Variants in MDGA1 observed in about 807,000 individuals in gnomAD.
The protein encoded by MDGA1 is MAM domain containing glycosylphosphatidylinositol anchor 1.
MDGA1 carries 54 observed loss-of-function variants against 101.5 expected under a neutral mutation model. The ratio of observed to expected loss-of-function variants is 0.53; its 90% CI spans 0.43 to 0.67. The LOEUF (loss-of-function observed/expected upper bound fraction) is 0.67. MDGA1 is among the 30% of genes least tolerant of loss of function. The pLI is 0.00. For missense variants in MDGA1, 1,083 were observed against 1,323.8 expected, an observed-to-expected ratio of 0.82 and a Z score of 2.82; for synonymous variants, 533 against 558.3, an observed-to-expected ratio of 0.95 and a Z score of 0.64.
At chr6:37,667,716 G>T (rs1761784056) in intron 1 of MDGA1, among the ~76,000 whole-genome samples, 1 of 152,250 alleles carries the variant, frequency 6.6e-6, no homozygotes, top group Non-Finnish European at 1.5e-5. Flanking sequence ...TGGAAGATAA[G>T]CTGTAATCTT....
At chr6:37,672,285 T>TAA (rs530299424) in intron 1 of MDGA1, among the ~76,000 whole-genome samples, 8 of 146,596 alleles carry the variant, frequency 5.5e-5, no homozygotes, top group African/African-American at 1.7e-4. Context: ...ACCCCATCTC[T>TAA]AAAAAAAAAA....
chr6:37,650,403 G>A lies in MDGA1; in HGVS notation c.1315C>T (p.Pro439Ser). Residue 439 changes from proline (P) to serine (S), a missense_variant and splice_region_variant, in exon 8 of 17, where the codon CCG (proline) becomes TCG (serine). Coordinates refer to ENST00000434837, the MANE Select transcript of MDGA1 (RefSeq NM_153487.4). ...VEVNISSETV[P>S]PTISVPKGRA... The stretch of plus-strand genomic sequence containing the variant: ...CCCTTGGGCACACTGATGGTGGGCG[G>A]CACTGTGGGGGTGATGGTGATCAGC... 6.5e-7 allele frequency: 1 copy of A among 1,539,772 alleles called. No homozygotes were observed. The highest frequency in any genetic ancestry group is 2.3e-5 in the East Asian group (1 of 43,038).
chr6:37,662,440 G>T (rs1431965736), intron 2 of MDGA1, among the ~76,000 whole-genome samples: 1 of 152,056 alleles, frequency 6.6e-6, no homozygotes, highest in Non-Finnish European at 1.5e-5. Flanking sequence ...TTCAAGACCA[G>T]CCTGGGTAAC....
chr6:37,663,938 G>T (rs375399316), intron 2 of MDGA1, 29 bp downstream of exon 2: 2 of 1,612,826 alleles, frequency 1.2e-6, no homozygotes, highest in Non-Finnish European at 1.7e-6. Context: ...GGTAGGAGGG[G>T]CCTGAGCAAG....
intron 1 of MDGA1, chr6:37,664,422 AG>A: frequency 4.1e-6 from 1 of 246,746 alleles, no homozygotes; most frequent in Non-Finnish European, 7.9e-6. Context: ...TCACCATCTT[AG>A]CAGTCCTGGC....
intron 8 of MDGA1, among the ~76,000 whole-genome samples, chr6:37,649,597 G>A (rs749852305): frequency 2.6e-5 from 4 of 152,088 alleles, no homozygotes; most frequent in Non-Finnish European, 4.4e-5. Context: ...TCTAAAGCTA[G>A]ATGGGCTGGG....
chr6:37,653,015 G>A (rs749554641), intron 6 of MDGA1, among the ~76,000 whole-genome samples: 2 of 152,154 alleles, frequency 1.3e-5, no homozygotes, highest in Non-Finnish European at 2.9e-5. Flanking sequence ...CACAGCATTT[G>A]GAAAGAAAAA....
intron 1 of MDGA1, among the ~76,000 whole-genome samples, chr6:37,678,479 C>T (rs1204260274): frequency 6.6e-6 from 1 of 152,136 alleles, no homozygotes; most frequent in African/African-American, 2.4e-5. Context: ...TCTCATCTCT[C>T]CTCTGCTCTC....
At chr6:37,641,000 C>T (rs1479939515) in intron 14 of MDGA1, among the ~76,000 whole-genome samples, 3 of 152,130 alleles carry the variant, frequency 2.0e-5, no homozygotes, top group Admixed American at 6.5e-5. Flanking sequence ...AAGGTGCCTC[C>T]ACATGCCGGG....
chr6:37,663,981 G>A lies in MDGA1; in HGVS notation c.193C>T (p.His65Tyr). 1 of 1,613,868 alleles carries A rather than the reference G, an allele frequency of 6.2e-7. No individual in the cohort carries two copies. The highest frequency in any genetic ancestry group is 8.5e-7 in the Non-Finnish European group (1 of 1,179,812). ...TLMLQCLVTG[H>Y]PRPQVRWTKT... ...TGGGGGCTTACCTGGGGTCGAGGGT[G>A]CCCTGTTACAAGGCACTGCAGCATG... is the stretch of plus-strand genomic sequence containing the variant. The change falls in exon 2 of 17, where the codon CAC becomes TAC. Residue 65 changes from histidine (H) to tyrosine (Y), a missense_variant. Physicochemically the swap from His to Tyr is moderately conservative, Grantham distance 83 (BLOSUM62 2). Coordinates refer to ENST00000434837, the MANE Select transcript of MDGA1 (RefSeq NM_153487.4).
chr6:37,696,664 C>A lies in MDGA1; in HGVS notation c.67+81G>T, dbSNP rs567758660. On this transcript the variant is annotated intron_variant, in intron 1 of 16. Coordinates refer to ENST00000434837, the MANE Select transcript of MDGA1 (RefSeq NM_153487.4). The surrounding 1 kb of genome is among the most constrained non-coding windows in gnomAD (Gnocchi z 5.6). The stretch of plus-strand genomic sequence containing the variant: ...AGTCCGAGTCGAGGTCTCCACCAAA[C>A]CCCGGCAGCGCGCACTTTGCGCCTC... The A allele has an allele frequency of 3.1e-5, 43 of 1,391,994 alleles. No individual in the cohort carries two copies. In the South Asian group the frequency reaches 3.6e-4, roughly 12 times the overall value. The allele number at this position is 1,391,994 out of a possible 1,614,324, so 86.2% of individuals were successfully genotyped here.
At chr6:37,688,843 C>T (rs1762251555) in intron 1 of MDGA1, among the ~76,000 whole-genome samples, 1 of 152,220 alleles carries the variant, frequency 6.6e-6, no homozygotes, top group Non-Finnish European at 1.5e-5. Context: ...GGGCAAGGAC[C>T]CTCAGAGGCA....
At chr6:37,651,593 C>T (rs1051588322) in intron 7 of MDGA1, among the ~76,000 whole-genome samples, 1 of 131,432 alleles carries the variant, frequency 7.6e-6, no homozygotes, top group Non-Finnish European at 1.7e-5. Flanking sequence ...ATGGAGGAAA[C>T]AGCCCTGGGC....
intron 1 of MDGA1, among the ~76,000 whole-genome samples, chr6:37,693,762 G>A (rs564352538): frequency 6.6e-6 from 1 of 152,352 alleles, no homozygotes; most frequent in Non-Finnish European, 1.5e-5. Flanking sequence ...CACCCCAGAG[G>A]ACAACAAACT....
intron 10 of MDGA1, among the ~76,000 whole-genome samples, chr6:37,646,800 T>G (rs1187033951): frequency 6.6e-6 from 1 of 152,134 alleles, no homozygotes; most frequent in African/African-American, 2.4e-5. Flanking sequence ...ACCCTGGCTT[T>G]GCATGGTGGA....
In MDGA1 at chr6:37,637,409, A is replaced by ACACCC; in HGVS notation, c.2826_2827insGGGTG (p.Trp943GlyfsTer64). ...AAGAGGAAGATGGCCATGGGCCCCC[A>ACACCC]CAGCTGTGGGCTGGACTGGCAGGGG... On this transcript the variant is annotated frameshift_variant, in exon 17 of 17. Transcript: ENST00000434837. LOFTEE classifies it high-confidence loss of function. 6.2e-7 allele frequency: 1 copy of ACACCC among 1,613,684 alleles called. No homozygotes were observed. The highest frequency in any genetic ancestry group is 8.5e-7 in the Non-Finnish European group (1 of 1,179,768).
At chr6:37,694,894 G>A (rs886859244) in intron 1 of MDGA1, among the ~76,000 whole-genome samples, 1 of 152,084 alleles carries the variant, frequency 6.6e-6, no homozygotes, top group African/African-American at 2.4e-5. Context: ...AAAACACAGA[G>A]AGAAAAGGGT....
At chr6:37,659,852 T>G (rs6922589) in intron 2 of MDGA1, among the ~76,000 whole-genome samples, 128,319 of 152,048 alleles carry the variant, frequency 0.84, 54,536 homozygotes, top group East Asian at 1. Flanking sequence ...ATCAGAGAGT[T>G]CTTTGGAGAG....
intron 1 of MDGA1, among the ~76,000 whole-genome samples, chr6:37,690,168 G>A (rs976714419): frequency 2.6e-5 from 4 of 152,206 alleles, no homozygotes; most frequent in African/African-American, 7.2e-5. Flanking sequence ...TCCTCTGCCT[G>A]GAACACACCT....
Sources: allele counts gnomAD v4.1 joint callset (sites outside exome capture counted in the v4.1 genomes callset), GRCh38; gene constraint gnomAD v4.1.1; non-coding constraint Gnocchi (gnomAD v3.1); transcripts MANE v1.5; gene names NCBI Gene and HGNC (gene_info 2026-07-23, HGNC 2026-07-21).